The following NAA25 variants were observed in gnomAD, a reference collection of about 807,000 sequenced individuals.
NAA25 encodes the protein N-terminal acetyltransferase B complex subunit NAA25.
NAA25 carries 30 observed loss-of-function variants against 132.5 expected under a neutral mutation model. That is an observed-to-expected ratio of 0.23 (90% CI 0.17 to 0.31). NAA25 has a LOEUF of 0.31. Ranked by LOEUF, NAA25 falls within the 10% of genes least tolerant of loss-of-function variation. The probability of loss-of-function intolerance (pLI) is 1.00; values close to 1 mark genes in which losing one functional copy is unlikely to be tolerated. For missense variants in NAA25, 771 were observed against 1,150.4 expected, an observed-to-expected ratio of 0.67 and a Z score of 4.77; for synonymous variants, 359 against 401.9, an observed-to-expected ratio of 0.89 and a Z score of 1.28.
chr12:112,054,000 A>G (rs574586948), intron 14 of NAA25, among the ~76,000 whole-genome samples: 2 of 152,308 alleles, frequency 1.3e-5, no homozygotes, highest in African/African-American at 4.8e-5. Flanking sequence ...TGATACTAGC[A>G]TAATAATAAA....
rs746074347 is a variant in NAA25, at chr12:112,052,936, G to A, written c.1728+622C>T. 5.9e-5 allele frequency among the ~76,000 whole-genome samples: 9 copies of A among 152,180 alleles called. No homozygotes were observed. In the South Asian group the frequency reaches 8.3e-4, roughly 14 times the overall value. On this transcript the variant is annotated intron_variant, in intron 15 of 23. Transcript: ENST00000261745. The stretch of plus-strand genomic sequence containing the variant: ...ATAATTGGTCAACTGAGTACAGACC[G>A]TATGGTTTTCCTACAAAAACCTCGG...
At chr12:112,043,306 A>G in intron 18 of NAA25, 95 bp from the exon 19 acceptor site, 2 of 1,330,418 alleles carry the variant, frequency 1.5e-6, no homozygotes, top group Non-Finnish European at 1.0e-6. Context: ...AACCTGTCTC[A>G]GCGGTTCAGC....
intron 5 of NAA25, among the ~76,000 whole-genome samples, 200 bp from the exon 6 acceptor site, chr12:112,078,941 T>C (rs970454759): frequency 2.0e-5 from 3 of 152,216 alleles, no homozygotes; most frequent in African/African-American, 7.2e-5. Flanking sequence ...TTATCCTATG[T>C]GTTCTTGAAA....
chr12:112,061,901 C>G (rs2078635832), intron 11 of NAA25, among the ~76,000 whole-genome samples: 1 of 152,158 alleles, frequency 6.6e-6, no homozygotes, highest in South Asian at 2.1e-4. Context: ...GATTCATACT[C>G]AGCTATGAGA....
At position 112,039,325 on chromosome 12, in the gene NAA25, G is replaced by C; in HGVS notation, c.2553C>G (p.Ile851Met). 1 of 1,604,932 alleles carries C rather than the reference G, an allele frequency of 6.2e-7. No homozygotes were observed. The highest frequency in any genetic ancestry group is 8.5e-7 in the Non-Finnish European group (1 of 1,174,310). Residue 851 changes from isoleucine (I) to methionine (M), a missense_variant, in exon 22 of 24, where the codon ATC becomes ATG. Coordinates refer to ENST00000261745, the MANE Select transcript of NAA25 (RefSeq NM_024953.4). Reference protein sequence around the residue: ...LVFFVETISVILWVSSYCESV... With the variant: ...LVFFVETISVMLWVSSYCESV... ...TCTCACAGTAACTGGATACCCAAAG[G>C]ATAACAGAAATAGTCTGAAAGGAAA...
chr12:112,037,990 T>C (rs753609912), intron 22 of NAA25, among the ~76,000 whole-genome samples: 1 of 152,048 alleles, frequency 6.6e-6, no homozygotes, highest in Non-Finnish European at 1.5e-5. Flanking sequence ...AAAGACATAA[T>C]TGAGATAAGT....
At chr12:112,068,809 C>A (rs887488894) in intron 11 of NAA25, 71 bp downstream of exon 11, 1 of 823,838 alleles carries the variant, frequency 1.2e-6, no homozygotes, top group Admixed American at 2.5e-5. Flanking sequence ...AGAAAAGAAA[C>A]CCAAACATTT....
chr12:112,096,383 CAG>C (rs2079213215), intron 1 of NAA25, among the ~76,000 whole-genome samples: 1 of 152,196 alleles, frequency 6.6e-6, no homozygotes, highest in Non-Finnish European at 1.5e-5. Flanking sequence ...CCTGGTGGCT[CAG>C]AGTGTCCCAC....
At chr12:112,104,757 A>C (rs2079337782) in intron 1 of NAA25, among the ~76,000 whole-genome samples, 1 of 151,396 alleles carries the variant, frequency 6.6e-6, no homozygotes, top group Non-Finnish European at 1.5e-5. Flanking sequence ...AATGGCGTGA[A>C]CCCGGAAGGT....
intron 8 of NAA25, 105 bp downstream of exon 8, chr12:112,075,573 A>C: frequency 2.3e-6 from 2 of 870,998 alleles, no homozygotes; most frequent in Non-Finnish European, 3.6e-6. Flanking sequence ...TACTATAAGA[A>C]GACTTTATGC....
intron 13 of NAA25, among the ~76,000 whole-genome samples, chr12:112,057,354 C>T (rs1164600459): frequency 6.6e-6 from 1 of 152,128 alleles, no homozygotes; most frequent in Non-Finnish European, 1.5e-5. Flanking sequence ...CTAGCAAAGC[C>T]ATAGTCACTA....
At chr12:112,054,674 A>G in intron 13 of NAA25, 106 bp from the exon 14 acceptor site, 1 of 1,062,206 alleles carries the variant, frequency 9.4e-7, no homozygotes, top group Admixed American at 2.9e-5. Context: ...CCAATAAATG[A>G]AGTTAAATGA....
chr12:112,074,774 G>A lies in NAA25; in HGVS notation c.777-10C>T, dbSNP rs2078871371. ...CTGCCAGTCATCTGAGCTAAAATCAGATTGAATGATGCACACAGGATTAAA... is the reference window on the plus strand; with the variant it reads ...CTGCCAGTCATCTGAGCTAAAATCAAATTGAATGATGCACACAGGATTAAA... On this transcript the variant is annotated splice_polypyrimidine_tract_variant and intron_variant, in intron 8 of 23. Coordinates refer to ENST00000261745, the MANE Select transcript of NAA25 (RefSeq NM_024953.4). 1 of 1,575,244 alleles carries A rather than the reference G, an allele frequency of 6.3e-7. No individual in the cohort carries two copies. The highest frequency in any genetic ancestry group is 8.7e-7 in the Non-Finnish European group (1 of 1,148,578).
chr12:112,045,440 T>C (rs1309617116), intron 17 of NAA25, among the ~76,000 whole-genome samples: 1 of 149,636 alleles, frequency 6.7e-6, no homozygotes, highest in Non-Finnish European at 1.5e-5. Flanking sequence ...TGAGCCGAGA[T>C]TGCGCCACCG....
chr12:112,087,844 A>G (rs769812826), intron 3 of NAA25, 43 bp from the exon 4 acceptor site: 1 of 1,261,760 alleles, frequency 7.9e-7, no homozygotes, highest in Non-Finnish European at 1.2e-6. Context: ...CTTCAAGAAC[A>G]TTCTAATGGC....
Position 112,105,608 on chromosome 12 carries a change from T to A in NAA25, c.58+3108A>T, listed in dbSNP as rs1224112489. ...CACAATTTATCACCACATAGCCCTG[T>A]CCACATATACCCTCAATGAATTCCA... is the stretch of plus-strand genomic sequence containing the variant. On this transcript the variant is annotated intron_variant, in intron 1 of 23. Coordinates refer to ENST00000261745, the MANE Select transcript of NAA25 (RefSeq NM_024953.4). Among the ~76,000 whole-genome samples the A allele has an allele frequency of 4.6e-5, 7 of 152,312 alleles. No individual in the cohort carries two copies. The East Asian group carries it at 1.3e-3, about 29-fold the overall frequency.
chr12:112,039,425 C>T (rs2078271682), intron 21 of NAA25, 86 bp from the exon 22 acceptor site: 1 of 774,486 alleles, frequency 1.3e-6, no homozygotes, highest in Admixed American at 2.3e-5. Flanking sequence ...TCAACAAATT[C>T]TAACGCAGTT....
intron 13 of NAA25, among the ~76,000 whole-genome samples, chr12:112,056,341 A>C (rs1418740761): frequency 6.6e-6 from 1 of 151,838 alleles, no homozygotes. Flanking sequence ...TCAAAATAAA[A>C]ATAAAATTTA....
intron 11 of NAA25, among the ~76,000 whole-genome samples, chr12:112,062,181 C>T (rs2078639695): frequency 6.6e-6 from 1 of 151,992 alleles, no homozygotes; most frequent in Admixed American, 6.6e-5. Context: ...CACATCACTT[C>T]AGGCCAGGAG....
Sources: allele counts gnomAD v4.1 joint callset (sites outside exome capture counted in the v4.1 genomes callset), GRCh38; gene constraint gnomAD v4.1.1; transcripts MANE v1.5; gene names NCBI Gene and HGNC (gene_info 2026-07-23, HGNC 2026-07-21).